GALNT18: variants seen among roughly 807,000 people sequenced by gnomAD.
GALNT18 encodes polypeptide N-acetylgalactosaminyltransferase 18, also known as GalNAc-transferase 18.
A neutral mutation model predicts 69.5 loss-of-function variants in GALNT18; 44 were observed. The observed-to-expected ratio is 0.63, with a 90% CI of 0.50 to 0.81. The LOEUF (loss-of-function observed/expected upper bound fraction) is 0.81, where lower values mean the gene tolerates loss of function less well. GALNT18 is among the 40% of genes least tolerant of loss of function. The probability of loss-of-function intolerance (pLI) is 0.00; values close to 1 mark genes in which losing one functional copy is unlikely to be tolerated. For synonymous variants in GALNT18, 364 were observed against 318.2 expected, an observed-to-expected ratio of 1.14 and a Z score of -1.53; for missense variants, 715 against 810.0, an observed-to-expected ratio of 0.88 and a Z score of 1.42.
intron 1 of GALNT18, among the ~76,000 whole-genome samples, chr11:11,491,299 C>T (rs1564976336): frequency 6.6e-6 from 1 of 152,332 alleles, no homozygotes; most frequent in Non-Finnish European, 1.5e-5. Context: ...AAAAGATATA[C>T]TATCATCCAA....
rs2133812690 is a variant in GALNT18 at position 11,444,082 on chromosome 11, T to C, written c.428+4662A>G. Reference sequence around the variant, plus strand: ...AAAGTTCAAAGATCCCAGATGTCTCTCTAGAGTCTGGACTGTTAAAACAAC... The same window carrying C: ...AAAGTTCAAAGATCCCAGATGTCTCCCTAGAGTCTGGACTGTTAAAACAAC... On this transcript the variant is annotated intron_variant, in intron 2 of 10. Transcript: ENST00000227756. The surrounding 1 kb of genome is among the most constrained non-coding windows in gnomAD (Gnocchi z 4.4). Among the ~76,000 whole-genome samples the C allele has an allele frequency of 6.6e-6, 1 of 152,282 alleles. No homozygotes were observed. The highest frequency in any genetic ancestry group is 2.1e-4 in the South Asian group (1 of 4,816).
In GALNT18 at chr11:11,511,636, C is replaced by A. The variant is rs1349258442; in HGVS notation, c.236-62700G>T. On this transcript the variant is annotated intron_variant, in intron 1 of 10. Coordinates refer to ENST00000227756, the MANE Select transcript of GALNT18 (RefSeq NM_198516.3). This position sits in a 1 kb window ranked among gnomAD's most constrained non-coding sequence, Gnocchi z 4.9. ...TTCCACTAAAATTGATAGGTTGGAACCTAATCCCCAGTGTGATGATGTTTG... is the reference window on the plus strand; with the variant it reads ...TTCCACTAAAATTGATAGGTTGGAAACTAATCCCCAGTGTGATGATGTTTG... 6.6e-6 allele frequency among the ~76,000 whole-genome samples: 1 copy of A among 152,174 alleles called. No homozygotes were observed.
At chr11:11,304,301 C>T (rs1335067686) in intron 9 of GALNT18, among the ~76,000 whole-genome samples, 1 of 152,168 alleles carries the variant, frequency 6.6e-6, no homozygotes, top group Non-Finnish European at 1.5e-5. Flanking sequence ...CCTTAAGCTA[C>T]CCAAATTTGT....
chr11:11,565,014 G>A (rs1858608224), intron 1 of GALNT18, among the ~76,000 whole-genome samples: 1 of 152,086 alleles, frequency 6.6e-6, no homozygotes, highest in Non-Finnish European at 1.5e-5. Flanking sequence ...TTAAACTCGG[G>A]GTGCCAGGGA....
chr11:11,612,768 A>G (rs942643586), intron 1 of GALNT18, among the ~76,000 whole-genome samples: 1 of 152,234 alleles, frequency 6.6e-6, no homozygotes, highest in Non-Finnish European at 1.5e-5. Flanking sequence ...TATTCACGCT[A>G]AAGAACTGGC....
chr11:11,354,330 T>C (rs1850482098), intron 6 of GALNT18, among the ~76,000 whole-genome samples: 1 of 152,142 alleles, frequency 6.6e-6, no homozygotes, highest in Admixed American at 6.5e-5. Flanking sequence ...CACAGGATAA[T>C]TTAGAAGCAC....
chr11:11,401,277 TCTC>T (rs575331989), intron 3 of GALNT18, among the ~76,000 whole-genome samples: 2 of 152,204 alleles, frequency 1.3e-5, no homozygotes, highest in Non-Finnish European at 2.9e-5. Flanking sequence ...AGAAAATTTA[TCTC>T]CTTTCCTAAA....
rs1451118632 is a variant in GALNT18 at position 11,295,737 on chromosome 11, C to A, written c.1513-2544G>T. Among the ~76,000 whole-genome samples the A allele has an allele frequency of 2.0e-5, 3 of 152,104 alleles. No homozygotes were observed. In the East Asian group the frequency reaches 5.8e-4, roughly 29 times the overall value. On this transcript the variant is annotated intron_variant, in intron 9 of 10. Transcript: ENST00000227756. ...TCACTTTACAAGTTATCAAGCTTGG[C>A]AAATCCATGGTAATTGATATCAAAA...
At position 11,497,658 on chromosome 11, in the gene GALNT18, T is replaced by A. The variant is rs1242313343; in HGVS notation, c.236-48722A>T. ...CCAGTAACAACTCTCTTATCTAACA[T>A]GGTCAGGAGCAGCTAATAGGGTAAG... On this transcript the variant is annotated intron_variant, in intron 1 of 10. Transcript: ENST00000227756. This position sits in a 1 kb window ranked among gnomAD's most constrained non-coding sequence, Gnocchi z 4.2. Among the ~76,000 whole-genome samples the A allele has an allele frequency of 6.6e-6, 1 of 152,008 alleles. No homozygotes were observed. The highest frequency in any genetic ancestry group is 1.5e-5 in the Non-Finnish European group (1 of 68,010).
intron 1 of GALNT18, among the ~76,000 whole-genome samples, chr11:11,493,360 C>T (rs1452941808): frequency 3.3e-5 from 5 of 151,312 alleles, no homozygotes; most frequent in Non-Finnish European, 7.4e-5. Flanking sequence ...AGCTTCTCTT[C>T]ACAGCCTAAA....
intron 1 of GALNT18, among the ~76,000 whole-genome samples, chr11:11,509,634 T>C (rs1307057051): frequency 1.3e-5 from 2 of 152,232 alleles, no homozygotes; most frequent in African/African-American, 4.8e-5. Context: ...ACGGAATGAC[T>C]TTCCCCCCTC....
rs116309153 is a variant in GALNT18 at position 11,444,291 on chromosome 11, A to G, written c.428+4453T>C. ...TCCCTGCCACAGAGGCACCAGAGGG[A>G]CAGTGCTTCTGTGACCATCACATCC... is the stretch of plus-strand genomic sequence containing the variant. On this transcript the variant is annotated intron_variant, in intron 2 of 10. Coordinates refer to ENST00000227756, the MANE Select transcript of GALNT18 (RefSeq NM_198516.3). The surrounding 1 kb of genome is among the most constrained non-coding windows in gnomAD (Gnocchi z 4.4). 0.019 allele frequency among the ~76,000 whole-genome samples: 2,879 copies of G among 152,150 alleles called. 99 individuals are homozygous for G. Among genetic ancestry groups the G allele is most frequent in the African/African-American group, 0.066 (2,745 of 41,502 alleles).
rs549221360 is a variant in GALNT18, at chr11:11,509,956, C to T, written c.236-61020G>A. ...GTATAAGACACAGCATCGGTGGTCA[C>T]ATCCTCTGAGAAGCCTTCTGAGGGC... On this transcript the variant is annotated intron_variant, in intron 1 of 10. Coordinates refer to ENST00000227756, the MANE Select transcript of GALNT18 (RefSeq NM_198516.3). Among the ~76,000 whole-genome samples the T allele has an allele frequency of 1.7e-3, 258 of 152,370 alleles. 1 individual carries two copies. Among genetic ancestry groups the T allele is most frequent in the African/African-American group, 5.9e-3 (247 of 41,592 alleles).
rs909672127 is a variant in GALNT18, at chr11:11,320,340, C to T, written c.1512+6746G>A. Among the ~76,000 whole-genome samples the T allele has an allele frequency of 3.3e-5, 5 of 152,232 alleles. No homozygotes were observed. The East Asian group carries it at 9.6e-4, about 29-fold the overall frequency. On this transcript the variant is annotated intron_variant, in intron 9 of 10. Coordinates refer to ENST00000227756, the MANE Select transcript of GALNT18 (RefSeq NM_198516.3). The surrounding 1 kb of genome is among the most constrained non-coding windows in gnomAD (Gnocchi z 4.9). ...CTCCATCTCCTGCAGTTGTACAGTG[C>T]ACAACCTGCACAATGGCATGTGACA...
chr11:11,292,493 C>T (rs1020938007), intron 10 of GALNT18, among the ~76,000 whole-genome samples: 3 of 152,194 alleles, frequency 2.0e-5, no homozygotes, highest in Non-Finnish European at 4.4e-5. Flanking sequence ...CCCCAAGATG[C>T]TGTCTGGCAA....
rs933149203 is a variant in GALNT18, at chr11:11,469,653, G to A, written c.236-20717C>T. 6.6e-6 allele frequency among the ~76,000 whole-genome samples: 1 copy of A among 152,216 alleles called. No individual in the cohort carries two copies. The highest frequency in any genetic ancestry group is 2.4e-5 in the African/African-American group (1 of 41,450). On this transcript the variant is annotated intron_variant, in intron 1 of 10. Transcript: ENST00000227756. The surrounding 1 kb of genome is among the most constrained non-coding windows in gnomAD (Gnocchi z 4.2). The stretch of plus-strand genomic sequence containing the variant: ...GCAAGGATCATCCATGCCCTTGTCA[G>A]CTGAGGGTCTCAGGGCTGGCTACAT...
chr11:11,377,274 C>A lies in GALNT18; in HGVS notation c.885G>T (p.Leu295=). ...YDNFEIEEYP[L]AAQGFDWELW... ...GCTCCCAGTCAAAGCCCTGGGCAGC[C>A]AGCGGGTACTCTTCTATCTCAAAGT... Residue 295 remains leucine, a synonymous_variant, in exon 5 of 11, where the codon CTG becomes CTT. Transcript: ENST00000227756. The surrounding 1 kb of genome is among the most constrained non-coding windows in gnomAD (Gnocchi z 4.6). 1 of 1,613,952 alleles carries A rather than the reference C, an allele frequency of 6.2e-7. No homozygotes were observed. The highest frequency in any genetic ancestry group is 2.2e-5 in the East Asian group (1 of 44,874).
chr11:11,568,828 G>A (rs528847343), intron 1 of GALNT18, among the ~76,000 whole-genome samples: 9 of 152,346 alleles, frequency 5.9e-5, no homozygotes, highest in Admixed American at 4.6e-4. Flanking sequence ...CCTTGGAGAT[G>A]TCTTAGCCGA....
intron 10 of GALNT18, among the ~76,000 whole-genome samples, chr11:11,271,605 G>GGGCTGCGTCTTGCTCCCCATAGCCATC (rs1564872127): frequency 6.6e-6 from 1 of 151,210 alleles, no homozygotes. Context: ...CCTACCCCAG[G>GGGCTGCGTCTTGCTCCCCATAGCCATC]GGCTGGGTCC....
Sources: allele counts gnomAD v4.1 joint callset (sites outside exome capture counted in the v4.1 genomes callset), GRCh38; gene constraint gnomAD v4.1.1; non-coding constraint Gnocchi (gnomAD v3.1); transcripts MANE v1.5; gene names NCBI Gene and HGNC (gene_info 2026-07-23, HGNC 2026-07-21).